CDH4: variants seen among roughly 807,000 people sequenced by gnomAD.
CDH4 encodes the protein cadherin 4.
CDH4 carries 33 observed loss-of-function variants against 86.0 expected under a neutral mutation model. The ratio of observed to expected loss-of-function variants is 0.38; its 90% CI spans 0.29 to 0.51. CDH4 has a LOEUF of 0.51. Among genes scored for constraint, CDH4 ranks in the 20% least tolerant of loss-of-function variants. The probability of loss-of-function intolerance (pLI) is 0.86; values close to 1 mark genes in which losing one functional copy is unlikely to be tolerated. For synonymous variants in CDH4, 555 were observed against 549.4 expected, an observed-to-expected ratio of 1.01 and a Z score of -0.14; for missense variants, 1,114 against 1,307.4, an observed-to-expected ratio of 0.85 and a Z score of 2.28.
intron 6 of CDH4, among the ~76,000 whole-genome samples, chr20:61,869,044 A>C (rs1285186794): frequency 2.0e-5 from 3 of 152,200 alleles, no homozygotes; most frequent in Non-Finnish European, 4.4e-5. Context: ...CAAGGAGCTC[A>C]ACTTATTGAA....
At chr20:61,616,109 A>G (rs2086723092) in intron 2 of CDH4, among the ~76,000 whole-genome samples, 1 of 152,218 alleles carries the variant, frequency 6.6e-6, no homozygotes, top group Admixed American at 6.5e-5. Flanking sequence ...TGAGATCACA[A>G]AGCTCAATCA....
At chr20:61,736,654 A>AAG in intron 2 of CDH4, among the ~76,000 whole-genome samples, 3 of 77,000 alleles carry the variant, frequency 3.9e-5, no homozygotes, top group Admixed American at 1.4e-4. Context: ...AAGGAGAGAG[A>AAG]GAGAGAGGGA....
At chr20:61,651,309 C>A (rs985471931) in intron 2 of CDH4, among the ~76,000 whole-genome samples, 1 of 152,254 alleles carries the variant, frequency 6.6e-6, no homozygotes, top group Non-Finnish European at 1.5e-5. Context: ...AGGACGAGTG[C>A]CCCTTCTGTG....
chr20:61,299,162 A>G (rs541926398), intron 2 of CDH4, among the ~76,000 whole-genome samples: 2 of 152,324 alleles, frequency 1.3e-5, no homozygotes, highest in South Asian at 4.1e-4. Context: ...CCGTGCTCTT[A>G]TAAGAAAAGA....
chr20:61,262,594 A>G (rs964832881), intron 2 of CDH4, among the ~76,000 whole-genome samples: 2 of 152,154 alleles, frequency 1.3e-5, no homozygotes, highest in African/African-American at 4.8e-5. Flanking sequence ...AAAAATCACA[A>G]TGAAATTCAT....
chr20:61,399,768 A>G (rs556805817), intron 2 of CDH4, among the ~76,000 whole-genome samples: 1 of 152,056 alleles, frequency 6.6e-6, no homozygotes, highest in African/African-American at 2.4e-5. Flanking sequence ...TCCTGCTCAC[A>G]TGTGTGATGC....
intron 2 of CDH4, among the ~76,000 whole-genome samples, chr20:61,618,573 A>G (rs2145770136): frequency 6.6e-6 from 1 of 152,168 alleles, no homozygotes; most frequent in South Asian, 2.1e-4. Flanking sequence ...GGAACCCAGG[A>G]TCCAGTCCCC....
chr20:61,532,917 T>A (rs2085966614), intron 2 of CDH4, among the ~76,000 whole-genome samples: 1 of 152,166 alleles, frequency 6.6e-6, no homozygotes, highest in South Asian at 2.1e-4. Flanking sequence ...CAGGTCTCCC[T>A]GCGATGCAAT....
intron 2 of CDH4, among the ~76,000 whole-genome samples, chr20:61,554,849 C>T (rs73611539): frequency 0.054 from 8,192 of 152,022 alleles, 387 homozygotes; most frequent in East Asian, 0.23. Flanking sequence ...TGCATGTATG[C>T]GTGAGTTCGC....
chr20:61,524,870 CAA>C (rs1234175207), intron 2 of CDH4, among the ~76,000 whole-genome samples: 1 of 152,158 alleles, frequency 6.6e-6, no homozygotes, highest in Non-Finnish European at 1.5e-5. Flanking sequence ...ATTTATTGAA[CAA>C]AGTTTCCATG....
At chr20:61,552,228 TAAGA>T (rs1019693372) in intron 2 of CDH4, among the ~76,000 whole-genome samples, 3 of 152,250 alleles carry the variant, frequency 2.0e-5, no homozygotes, top group African/African-American at 7.2e-5. Context: ...ATTGTATATA[TAAGA>T]GTCTAGTATC....
chr20:61,347,268 G>C (rs1384831594), intron 2 of CDH4, among the ~76,000 whole-genome samples: 1 of 152,216 alleles, frequency 6.6e-6, no homozygotes, highest in South Asian at 2.1e-4. Flanking sequence ...CTAAATGCTT[G>C]CTCCACACAT....
chr20:61,939,498 T>G lies in CDH4; in HGVS notation c.*2555T>G, dbSNP rs2055238113. The G allele has an allele frequency of 6.6e-6, 1 of 152,362 alleles. No homozygotes were observed. Among genetic ancestry groups the G allele is most frequent in the Admixed American group, 6.5e-5 (1 of 15,292 alleles). 9.4% of individuals were successfully genotyped at this position (152,362 alleles called of 1,614,324 possible). On this transcript the variant is annotated 3_prime_UTR_variant, in exon 16 of 16. Transcript: ENST00000614565. ...TCCCTGCTCCAAACAGCTGGACAGC[T>G]TCCCCTCTACCCCCACCCTGGTGAG...
chr20:61,614,203 G>T (rs1256045249), intron 2 of CDH4, among the ~76,000 whole-genome samples: 2 of 152,038 alleles, frequency 1.3e-5, no homozygotes, highest in Non-Finnish European at 2.9e-5. Context: ...AGACAGGGCT[G>T]GTCACCAGAA....
chr20:61,862,154 C>A (rs1983358569), intron 6 of CDH4, among the ~76,000 whole-genome samples: 1 of 152,170 alleles, frequency 6.6e-6, no homozygotes, highest in African/African-American at 2.4e-5. Flanking sequence ...GGCCTCTCCC[C>A]CAGGCAGCCC....
intron 2 of CDH4, among the ~76,000 whole-genome samples, chr20:61,322,712 G>A (rs967815787): frequency 2.0e-5 from 3 of 152,212 alleles, no homozygotes; most frequent in Non-Finnish European, 4.4e-5. Context: ...CGCAGCCACC[G>A]AGGGGTAGCA....
chr20:61,931,419 C>T (rs1468933831), intron 13 of CDH4, among the ~76,000 whole-genome samples: 2 of 152,256 alleles, frequency 1.3e-5, no homozygotes, highest in Non-Finnish European at 2.9e-5. Context: ...CCTCCCAAGC[C>T]TCCACTCCGC....
intron 2 of CDH4, among the ~76,000 whole-genome samples, chr20:61,546,084 A>ATG (rs2086081676): frequency 1.9e-3 from 1 of 518 alleles, no homozygotes; most frequent in African/African-American, 9.4e-3. Context: ...GTTTGTTCAC[A>ATG]CGTGTGTGTG....
Position 61,743,577 on chromosome 20 carries a change from T to G in CDH4, c.184T>G (p.Cys62Gly). The G allele has an allele frequency of 6.4e-7, 1 of 1,565,862 alleles. No homozygotes were observed. The highest frequency in any genetic ancestry group is 8.7e-7 in the Non-Finnish European group (1 of 1,154,050). ...EKLLQVKFSS[C>G]VGTKGTQYET... ...TCCTCTTGCAGTCAAGTTCAGCAGC[T>G]GTGTGGGGACCAAGGGGACACAATA... The change falls in exon 3 of 16, where the codon TGT becomes GGT. Residue 62 changes from cysteine to glycine, a missense_variant. Cys to Gly is a radical substitution (Grantham distance 159). Coordinates refer to ENST00000614565, the MANE Select transcript of CDH4 (RefSeq NM_001794.5).
Sources: allele counts gnomAD v4.1 joint callset (sites outside exome capture counted in the v4.1 genomes callset), GRCh38; gene constraint gnomAD v4.1.1; transcripts MANE v1.5; gene names NCBI Gene and HGNC (gene_info 2026-07-23, HGNC 2026-07-21).